Variants in ETV5 observed in about 807,000 individuals in gnomAD.
ETV5 encodes ETS translocation variant 5.
Under a neutral mutation model 70.0 loss-of-function variants are expected in ETV5, and 10 were observed. That is an observed-to-expected ratio of 0.14 (90% CI 0.09 to 0.24). ETV5 has a LOEUF of 0.24. Among genes scored for constraint, ETV5 ranks in the 10% least tolerant of loss-of-function variants. The pLI is 1.00. For missense variants in ETV5, 453 were observed against 651.2 expected (o/e 0.70, Z 3.31); for synonymous variants, 216 against 242.2 (o/e 0.89, Z 1.01).
At chr3:186,056,923 G>T in intron 11 of ETV5, 152 bp downstream of exon 11, 2 of 728,970 alleles carry the variant, frequency 2.7e-6, no homozygotes, top group Non-Finnish European at 2.2e-6. Flanking sequence ...CCCATTAATA[G>T]GAGGGATACA....
intron 5 of ETV5, among the ~76,000 whole-genome samples, chr3:186,099,986 C>A (rs573301369): frequency 6.6e-6 from 1 of 152,114 alleles, no homozygotes; most frequent in Non-Finnish European, 1.5e-5. Flanking sequence ...TAAAGGTAGA[C>A]GAAAGCAGAT....
chr3:186,066,598 A>G (rs966042196), intron 7 of ETV5, among the ~76,000 whole-genome samples: 2 of 152,208 alleles, frequency 1.3e-5, no homozygotes, highest in Admixed American at 6.5e-5. Context: ...AGGCCATATA[A>G]GAATAAAATC....
intron 9 of ETV5, among the ~76,000 whole-genome samples, chr3:186,062,556 A>C (rs911385159): frequency 2.6e-5 from 4 of 152,152 alleles, no homozygotes; most frequent in Non-Finnish European, 5.9e-5. Context: ...CGGGAGGCAG[A>C]CGTTGCAATG....
intron 12 of ETV5, among the ~76,000 whole-genome samples, chr3:186,050,672 T>A (rs1043025359): frequency 1.3e-5 from 2 of 152,150 alleles, no homozygotes; most frequent in African/African-American, 4.8e-5. Flanking sequence ...AGCATTTAAC[T>A]CTGTATCAAG....
chr3:186,099,836 A>G (rs1373711620), intron 5 of ETV5, among the ~76,000 whole-genome samples: 1 of 152,214 alleles, frequency 6.6e-6, no homozygotes, highest in Non-Finnish European at 1.5e-5. Context: ...TGATCTTGAC[A>G]CAGATGTAAC....
At chr3:186,074,569 T>C (rs989520367) in intron 7 of ETV5, among the ~76,000 whole-genome samples, 2 of 152,166 alleles carry the variant, frequency 1.3e-5, no homozygotes, top group East Asian at 1.9e-4. Context: ...AAGTCTTATA[T>C]ATTTATATTA....
intron 5 of ETV5, among the ~76,000 whole-genome samples, chr3:186,095,617 C>T (rs879897566): frequency 1.3e-5 from 2 of 152,220 alleles, no homozygotes; most frequent in Non-Finnish European, 2.9e-5. Context: ...TCAAGGGTGC[C>T]TAAACTGTGA....
chr3:186,054,231 G>A lies in ETV5; in HGVS notation c.1210-2100C>T, dbSNP rs575740179. On this transcript the variant is annotated intron_variant, in intron 11 of 12. Transcript: ENST00000306376. The surrounding 1 kb of genome is among the most constrained non-coding windows in gnomAD (Gnocchi z 4.4). ...TAGGGCTGCCCCTCTTCTGGGACTGGGGAGGCAGGCAATAGCTTGTCATCA... is the reference window on the plus strand; with the variant it reads ...TAGGGCTGCCCCTCTTCTGGGACTGAGGAGGCAGGCAATAGCTTGTCATCA... 6.6e-6 allele frequency among the ~76,000 whole-genome samples: 1 copy of A among 152,330 alleles called. No individual in the cohort carries two copies. The highest frequency in any genetic ancestry group is 2.4e-5 in the African/African-American group (1 of 41,578).
chr3:186,049,115 TTC>T (rs375179434), intron 12 of ETV5, among the ~76,000 whole-genome samples: 99 of 152,290 alleles, frequency 6.5e-4, no homozygotes, highest in African/African-American at 1.0e-3. Flanking sequence ...AATCTTCACT[TTC>T]TGTCTTCCAG....
chr3:186,052,476 C>T lies in ETV5; in HGVS notation c.1210-345G>A, dbSNP rs928876234. Among the ~76,000 whole-genome samples the T allele has an allele frequency of 1.3e-5, 2 of 152,148 alleles. No individual in the cohort carries two copies. The highest frequency in any genetic ancestry group is 2.9e-5 in the Non-Finnish European group (2 of 68,036). The stretch of plus-strand genomic sequence containing the variant: ...ACCATTAACGTGTTGCCATTAAGTG[C>T]TATGGTTTCTGTAGCAGTCAATAAG... On this transcript the variant is annotated intron_variant, in intron 11 of 12. Transcript: ENST00000306376. This position sits in a 1 kb window ranked among gnomAD's most constrained non-coding sequence, Gnocchi z 4.5.
At position 186,047,256 on chromosome 3, in the gene ETV5, C is replaced by A. The variant is rs1481175076; in HGVS notation, c.*1383G>T. On this transcript the variant is annotated 3_prime_UTR_variant, in exon 13 of 13. Transcript: ENST00000306376. ...TTAAAACTTTTCCAATATAATACAG[C>A]AATGAGAATAATTTCTTTTTAAAAA... 1 of 228,738 alleles carries A rather than the reference C, an allele frequency of 4.4e-6. No homozygotes were observed. The highest frequency in any genetic ancestry group is 8.7e-6 in the Non-Finnish European group (1 of 115,224). The allele number at this position is 228,738 out of a possible 1,614,324, so 14.2% of individuals were successfully genotyped here.
chr3:186,104,287 G>A (rs992739237), intron 5 of ETV5, among the ~76,000 whole-genome samples: 1 of 152,100 alleles, frequency 6.6e-6, no homozygotes, highest in African/African-American at 2.4e-5. Flanking sequence ...ACCTGTTGAG[G>A]ACAGCCCCAA....
chr3:186,072,041 C>CCA (rs1019993251), intron 7 of ETV5, among the ~76,000 whole-genome samples: 3 of 147,664 alleles, frequency 2.0e-5, no homozygotes, highest in African/African-American at 7.3e-5. Context: ...CTCAAGTGAT[C>CCA]CACACACCTC....
intron 12 of ETV5, among the ~76,000 whole-genome samples, chr3:186,051,173 G>A (rs539414947): frequency 2.6e-5 from 4 of 152,140 alleles, no homozygotes; most frequent in African/African-American, 9.7e-5. Flanking sequence ...TTAAGGTGGC[G>A]AGGAGAATAT....
At position 186,087,897 on chromosome 3, in the gene ETV5, T is replaced by C. The variant is rs1714095063; in HGVS notation, c.233-6722A>G. Among the ~76,000 whole-genome samples, 3 of 152,300 alleles carry C rather than the reference T, an allele frequency of 2.0e-5. No individual in the cohort carries two copies. The South Asian group carries it at 6.2e-4, about 32-fold the overall frequency. ...TTGTCTAATAAGGCTTTCTTTGGTG[T>C]TTCATAATCATCAAAGTTTCAATTT... On this transcript the variant is annotated intron_variant, in intron 5 of 12. Coordinates refer to ENST00000306376, the MANE Select transcript of ETV5 (RefSeq NM_004454.3).
At chr3:186,108,556 C>A in intron 1 of ETV5, 1 of 1,272,484 alleles carries the variant, frequency 7.9e-7, no homozygotes. Flanking sequence ...CGGAGCTCCG[C>A]CAAGCGTCTC....
chr3:186,100,719 G>A (rs903408372), intron 5 of ETV5, among the ~76,000 whole-genome samples: 1 of 152,188 alleles, frequency 6.6e-6, no homozygotes, highest in African/African-American at 2.4e-5. Context: ...AACACTTCAA[G>A]GGGAAAATGG....
rs1390343783 is a variant in ETV5, at chr3:186,080,050, G to C, written c.417C>G (p.Thr139=). 6.5e-7 allele frequency: 1 copy of C among 1,529,064 alleles called. No individual in the cohort carries two copies. Among genetic ancestry groups the C allele is most frequent in the South Asian group, 1.3e-5 (1 of 74,562 alleles). The allele number at this position is 1,529,064 out of a possible 1,614,324, so 94.7% of individuals were successfully genotyped here. A position where few individuals can be genotyped will look rare whatever the true frequency, so the allele number is the denominator to read the frequency against. ...SGFKPLTPPT[T]PLSPTHQNPL... ...GATTCTGATGGGTGGGTGAGAGGGG[G>C]GTTGTAGGAGGGGTTAATGGCTTGA... is the stretch of plus-strand genomic sequence containing the variant. The change falls in exon 7 of 13, where the codon ACC becomes ACG. Residue 139 remains threonine (T), a synonymous_variant. Transcript: ENST00000306376.
At chr3:186,089,978 C>T (rs898857684) in intron 5 of ETV5, among the ~76,000 whole-genome samples, 2 of 152,100 alleles carry the variant, frequency 1.3e-5, no homozygotes, top group African/African-American at 4.8e-5. Flanking sequence ...GTTATAATGC[C>T]TGAAACTTGC....
Sources: gnomAD v4.1 joint callset for allele counts (sites outside exome capture counted in the v4.1 genomes callset) on GRCh38, gnomAD v4.1.1 for gene constraint, Gnocchi (gnomAD v3.1) non-coding constraint, MANE v1.5 for transcripts, NCBI Gene and HGNC (gene_info 2026-07-23, HGNC 2026-07-21) for gene names.